Variants in SEC23A observed in about 807,000 individuals in gnomAD.
SEC23A encodes the protein protein transport protein Sec23A.
SEC23A carries 56 observed loss-of-function variants against 103.7 expected under a neutral mutation model. The observed-to-expected ratio is 0.54, with a 90% confidence interval of 0.44 to 0.67. The LOEUF (loss-of-function observed/expected upper bound fraction) is 0.67. Ranked by LOEUF, SEC23A falls within the 30% of genes least tolerant of loss-of-function variation. The probability of loss-of-function intolerance (pLI) is 0.00; values close to 1 mark genes in which losing one functional copy is unlikely to be tolerated. For missense variants in SEC23A, 784 were observed against 936.4 expected (o/e 0.84, Z 2.12); for synonymous variants, 281 against 293.0 (o/e 0.96, Z 0.42).
chr14:39,090,062 A>G (rs1279744706), intron 5 of SEC23A, among the ~76,000 whole-genome samples: 2 of 152,102 alleles, frequency 1.3e-5, no homozygotes, highest in Admixed American at 6.6e-5. Flanking sequence ...TAAACCTGCA[A>G]ATTCCCCTAG....
intron 7 of SEC23A, among the ~76,000 whole-genome samples, chr14:39,077,679 G>A (rs1271506562): frequency 6.6e-6 from 1 of 152,170 alleles, no homozygotes; most frequent in African/African-American, 2.4e-5. Context: ...AGATGTCAAT[G>A]AAATAAGAGA....
At chr14:39,056,644 G>C (rs1394683933) in intron 13 of SEC23A, among the ~76,000 whole-genome samples, 4 of 151,798 alleles carry the variant, frequency 2.6e-5, no homozygotes, top group African/African-American at 7.3e-5. Flanking sequence ...TTGTATTTTA[G>C]TAGAGATGGG....
chr14:39,086,752 A>G (rs1262086338), intron 6 of SEC23A, among the ~76,000 whole-genome samples, 177 bp downstream of exon 6: 1 of 152,240 alleles, frequency 6.6e-6, no homozygotes, highest in Admixed American at 6.5e-5. Context: ...AAGACAAAAA[A>G]CAAACCATTT....
intron 7 of SEC23A, among the ~76,000 whole-genome samples, chr14:39,082,681 G>A (rs1262598686): frequency 6.6e-6 from 1 of 152,144 alleles, no homozygotes; most frequent in Non-Finnish European, 1.5e-5. Context: ...CTACCTTAAT[G>A]AATGACCAAA....
At chr14:39,036,493 C>T (rs1885466624) in intron 19 of SEC23A, among the ~76,000 whole-genome samples, 3 of 151,956 alleles carry the variant, frequency 2.0e-5, no homozygotes, top group Admixed American at 1.3e-4. Flanking sequence ...CCCCTAACTC[C>T]AGCCTTTTTC....
At chr14:39,055,491 T>C (rs907397155) in intron 13 of SEC23A, among the ~76,000 whole-genome samples, 195 bp from the exon 14 acceptor site, 2 of 151,088 alleles carry the variant, frequency 1.3e-5, no homozygotes, top group Admixed American at 6.6e-5. Context: ...CACTGCAACC[T>C]CTGCCTATTG....
At chr14:39,089,461 A>C (rs1043080168) in intron 5 of SEC23A, among the ~76,000 whole-genome samples, 1 of 142,190 alleles carries the variant, frequency 7.0e-6, no homozygotes, top group African/African-American at 2.4e-5. Flanking sequence ...CTCCTCTCTA[A>C]GGTACTCCGC....
chr14:39,067,454 G>A (rs954290248), intron 9 of SEC23A, among the ~76,000 whole-genome samples, 158 bp from the exon 10 acceptor site: 6 of 151,958 alleles, frequency 3.9e-5, no homozygotes, highest in Non-Finnish European at 7.4e-5. Context: ...AAATATATAT[G>A]AGAATATCCT....
intron 3 of SEC23A, chr14:39,092,961 T>A (rs1887712573): frequency 2.1e-6 from 1 of 487,608 alleles, no homozygotes; most frequent in African/African-American, 2.0e-5. Flanking sequence ...CCTCCCGGGT[T>A]CATGCCATTC....
At chr14:39,094,816 G>A (rs991108299) in intron 2 of SEC23A, 4 of 579,190 alleles carry the variant, frequency 6.9e-6, no homozygotes, top group African/African-American at 5.6e-5. Context: ...CAGGGTTAAG[G>A]TATTATGTAG....
At chr14:39,035,886 A>G (rs1885443686) in intron 19 of SEC23A, among the ~76,000 whole-genome samples, 1 of 152,174 alleles carries the variant, frequency 6.6e-6, no homozygotes. Context: ...CAATCATGCA[A>G]TTGTAGGACG....
At chr14:39,072,518 A>C (rs1886871992) in intron 9 of SEC23A, among the ~76,000 whole-genome samples, 2 of 152,108 alleles carry the variant, frequency 1.3e-5, no homozygotes. Flanking sequence ...TATCATCAAA[A>C]AGACAGACAA....
At chr14:39,084,404 CTG>C (rs1235030029) in intron 7 of SEC23A, among the ~76,000 whole-genome samples, 1 of 152,180 alleles carries the variant, frequency 6.6e-6, no homozygotes, top group Admixed American at 6.5e-5. Flanking sequence ...TATTGTATCA[CTG>C]TTAACATCTG....
At chr14:39,090,594 A>G (rs1179341762) in intron 5 of SEC23A, among the ~76,000 whole-genome samples, 2 of 152,216 alleles carry the variant, frequency 1.3e-5, no homozygotes, top group African/African-American at 4.8e-5. Flanking sequence ...TACTAAAAGT[A>G]TTTAGTTCTT....
intron 13 of SEC23A, among the ~76,000 whole-genome samples, chr14:39,059,300 A>AAAAAAAAACAAAAAAAAAC (rs1566491577): frequency 3.0e-5 from 3 of 100,818 alleles, no homozygotes; most frequent in Admixed American, 1.1e-4. Flanking sequence ...AAAAAAAAAA[A>AAAAAAAAACAAAAAAAAAC]AAAAAAAAAA....
intron 1 of SEC23A, among the ~76,000 whole-genome samples, chr14:39,099,860 T>C (rs61648083): frequency 9.8e-4 from 149 of 152,150 alleles, no homozygotes; most frequent in African/African-American, 3.5e-3. Flanking sequence ...ACCTGTCTTC[T>C]ATTTAGCCTT....
At chr14:39,090,946 G>C in intron 5 of SEC23A, 1 of 324,320 alleles carries the variant, frequency 3.1e-6, no homozygotes, top group South Asian at 2.7e-5. Context: ...CTGCAATGTA[G>C]GGGCTGGTGG....
chr14:39,095,548 C>T (rs1249886807), intron 2 of SEC23A, among the ~76,000 whole-genome samples: 2 of 152,118 alleles, frequency 1.3e-5, no homozygotes, highest in Non-Finnish European at 1.5e-5. Flanking sequence ...TCCACCACCT[C>T]GGCCTCCCAA....
At chr14:39,067,535 T>TA (rs11322514) in intron 9 of SEC23A, among the ~76,000 whole-genome samples, 1 of 152,012 alleles carries the variant, frequency 6.6e-6, no homozygotes, top group Middle Eastern at 3.4e-3. Context: ...CTTGGTAATT[T>TA]AAAAAAAAAT....
Sources: gnomAD v4.1 joint callset for allele counts (sites outside exome capture counted in the v4.1 genomes callset) on GRCh38, gnomAD v4.1.1 for gene constraint, MANE v1.5 for transcripts, NCBI Gene and HGNC (gene_info 2026-07-23, HGNC 2026-07-21) for gene names.